The following GML variants were observed in gnomAD, a reference collection of about 807,000 sequenced individuals.
GML encodes the protein glycosyl-phosphatidylinositol-anchored molecule-like protein.
In GML, 5 loss-of-function variants were observed where a neutral mutation model predicts 8.2. The observed-to-expected ratio is 0.61, with a 90% CI of 0.32 to 1.28. The LOEUF is 1.28. GML is among the 50% of genes most tolerant of loss of function. GML has a pLI of 0.06. For synonymous variants in GML, 72 were observed against 69.0 expected (o/e 1.04, Z -0.22); for missense variants, 191 against 198.3 (o/e 0.96, Z 0.22).
chr8:142,836,901 A>G (rs1816348990), intron 1 of GML, among the ~76,000 whole-genome samples: 1 of 152,306 alleles, frequency 6.6e-6, no homozygotes, highest in Admixed American at 6.5e-5. Context: ...AATAAAATAG[A>G]TGACTTTCTG....
At chr8:142,840,605 C>T in intron 2 of GML, 95 bp downstream of exon 2, 1 of 865,182 alleles carries the variant, frequency 1.2e-6, no homozygotes, top group Non-Finnish European at 2.0e-6. Flanking sequence ...GTGGAGCAAG[C>T]CTCCGTTAGC....
At chr8:142,841,248 G>T in intron 3 of GML, 23 bp downstream of exon 3, 2 of 1,174,090 alleles carry the variant, frequency 1.7e-6, no homozygotes, top group South Asian at 2.4e-5. Context: ...TTGTCATTTT[G>T]ACACATTGTA....
intron 1 of GML, among the ~76,000 whole-genome samples, chr8:142,836,347 A>G (rs912950528): frequency 6.6e-6 from 1 of 152,238 alleles, no homozygotes; most frequent in African/African-American, 2.4e-5. Flanking sequence ...AAAAACTCAC[A>G]TATTTAGGGT....
chr8:142,843,298 A>ACACACACC (rs1031495895), intron 3 of GML, among the ~76,000 whole-genome samples: 2 of 145,668 alleles, frequency 1.4e-5, no homozygotes, highest in Non-Finnish European at 3.1e-5. Flanking sequence ...ACACACACAC[A>ACACACACC]CCATAACCCC....
chr8:142,838,776 C>G (rs961525078), intron 1 of GML, among the ~76,000 whole-genome samples: 3 of 152,186 alleles, frequency 2.0e-5, no homozygotes, highest in African/African-American at 7.2e-5. Context: ...GGCCCTGGCT[C>G]TGTCTCCAGG....
At chr8:142,846,154 C>A (rs1816501377) in intron 3 of GML, among the ~76,000 whole-genome samples, 1 of 152,106 alleles carries the variant, frequency 6.6e-6, no homozygotes, top group African/African-American at 2.4e-5. Context: ...GGGCCAGAGG[C>A]CTAAAGATGG....
intron 3 of GML, among the ~76,000 whole-genome samples, chr8:142,845,766 G>C (rs148549978): frequency 1.0e-3 from 156 of 152,266 alleles, no homozygotes; most frequent in African/African-American, 3.5e-3. Flanking sequence ...AGTTGCGATC[G>C]ATAACCTTCA....
At chr8:142,846,332 G>C (rs1816502929) in intron 3 of GML, 63 bp from the exon 4 acceptor site, 2 of 1,024,076 alleles carry the variant, frequency 2.0e-6, no homozygotes, top group Non-Finnish European at 3.0e-6. Flanking sequence ...AGGTGTATGT[G>C]CCTCAATATT....
chr8:142,846,077 T>C (rs538977825), intron 3 of GML, among the ~76,000 whole-genome samples: 6 of 152,288 alleles, frequency 3.9e-5, no homozygotes, highest in Non-Finnish European at 8.8e-5. Context: ...ATTCTTACCA[T>C]AAGAAATGAA....
intron 3 of GML, among the ~76,000 whole-genome samples, chr8:142,842,337 C>T (rs955422803): frequency 6.6e-6 from 1 of 152,194 alleles, no homozygotes; most frequent in South Asian, 2.1e-4. Context: ...AGAAGAGACT[C>T]ATACACACCT....
intron 1 of GML, 84 bp from the exon 2 acceptor site, chr8:142,840,332 C>A (rs1043687133): frequency 2.1e-5 from 17 of 822,696 alleles, no homozygotes; most frequent in Non-Finnish European, 2.9e-5. Context: ...CAGGGAGACT[C>A]ATGAGGCCGT....
intron 3 of GML, among the ~76,000 whole-genome samples, chr8:142,845,745 G>A (rs761463638): frequency 1.3e-5 from 2 of 152,116 alleles, no homozygotes; most frequent in African/African-American, 2.4e-5. Context: ...CACATTAGTC[G>A]TGATCACATT....
Position 142,846,674 on chromosome 8 carries a change from G to A in GML, c.461G>A (p.Ser154Asn). 6.2e-7 allele frequency: 1 copy of A among 1,613,344 alleles called. No homozygotes were observed. The highest frequency in any genetic ancestry group is 8.5e-7 in the Non-Finnish European group (1 of 1,179,362). Residue 154 changes from serine to asparagine, a missense_variant, in exon 4 of 4, where the codon AGC (serine) becomes AAC (asparagine). Physicochemically the swap from Ser to Asn is conservative, Grantham distance 46 (BLOSUM62 1). Coordinates refer to ENST00000220940, the MANE Select transcript of GML (RefSeq NM_002066.3). ...LLLSFASIIV[S>N]NILP Reference sequence around the variant, plus strand: ...CTGAGTTTTGCCTCTATCATAGTCAGCAATATATTGCCATGAGGACCCCAC... The same window carrying A: ...CTGAGTTTTGCCTCTATCATAGTCAACAATATATTGCCATGAGGACCCCAC...
intron 3 of GML, among the ~76,000 whole-genome samples, chr8:142,843,301 A>T (rs1047125253): frequency 1.9e-4 from 15 of 81,058 alleles, no homozygotes; most frequent in Non-Finnish European, 3.0e-4. Context: ...CACACACACC[A>T]TAACCCCACT....
chr8:142,836,845 C>T (rs1816348296), intron 1 of GML, among the ~76,000 whole-genome samples: 2 of 150,580 alleles, frequency 1.3e-5, no homozygotes, highest in African/African-American at 2.4e-5. Flanking sequence ...TGAGCGGTGC[C>T]CTTCCCCTTC....
At chr8:142,842,204 G>A (rs1483548382) in intron 3 of GML, among the ~76,000 whole-genome samples, 1 of 152,182 alleles carries the variant, frequency 6.6e-6, no homozygotes, top group African/African-American at 2.4e-5. Context: ...GCATGTGTTT[G>A]CTACCCCTTC....
rs551179745 is a variant in GML, at chr8:142,839,727, A to G, written c.-22-689A>G. Among the ~76,000 whole-genome samples, 54 of 152,256 alleles carry G rather than the reference A, an allele frequency of 3.5e-4. 1 individual carries two copies. The highest frequency in any genetic ancestry group is 1.1e-3 in the African/African-American group (45 of 41,548). On this transcript the variant is annotated intron_variant, in intron 1 of 3. Coordinates refer to ENST00000220940, the MANE Select transcript of GML (RefSeq NM_002066.3). ...GGTGCAGTTGGGTCCCTGCGAGAAA[A>G]TGTCTCAGTTGTGGCAACTGATTGG...
rs150041552 is a variant in GML, at chr8:142,841,225, C to T, written c.181C>T (p.Arg61Cys). 120 of 1,355,690 alleles carry T rather than the reference C, an allele frequency of 8.9e-5. No individual in the cohort carries two copies. In the South Asian group the frequency reaches 1.0e-3, roughly 12 times the overall value. The allele number at this position is 1,355,690 out of a possible 1,614,324, so 84.0% of individuals were successfully genotyped here. A position where few individuals can be genotyped will look rare whatever the true frequency, so the allele number is the denominator to read the frequency against. ...HIRRCMTISI[R>C]INSRELLVYK... is the part of the protein sequence containing the mutation. ...TAGGCGCTGTATGACAATCTCCATTCGTAAGTACCTCTTTGTCATTTTGAC... is the reference window on the plus strand; with the variant it reads ...TAGGCGCTGTATGACAATCTCCATTTGTAAGTACCTCTTTGTCATTTTGAC... The change falls in exon 3 of 4, where the codon CGC becomes TGC. Residue 61 changes from arginine (R) to cysteine (C), a missense_variant and splice_region_variant. Coordinates refer to ENST00000220940, the MANE Select transcript of GML (RefSeq NM_002066.3).
chr8:142,840,589 T>C, intron 2 of GML, 79 bp downstream of exon 2: 1 of 1,030,026 alleles, frequency 9.7e-7, no homozygotes, highest in South Asian at 1.3e-5. Flanking sequence ...GATGATTGGC[T>C]GCAACGTGGA....
Sources: gnomAD v4.1 joint callset for allele counts (sites outside exome capture counted in the v4.1 genomes callset) on GRCh38, gnomAD v4.1.1 for gene constraint, MANE v1.5 for transcripts, NCBI Gene and HGNC (gene_info 2026-07-23, HGNC 2026-07-21) for gene names.